The following BRAF variants were observed in gnomAD, a reference collection of about 807,000 sequenced individuals.
The protein encoded by BRAF is B-Raf proto-oncogene, serine/threonine kinase, also known as serine/threonine-protein kinase B-raf.
In BRAF, 16 loss-of-function variants were observed where a neutral mutation model predicts 104.6. The ratio of observed to expected loss-of-function variants is 0.15; its 90% CI spans 0.10 to 0.23. BRAF has a LOEUF of 0.23. Ranked by LOEUF, BRAF falls within the 10% of genes least tolerant of loss-of-function variation. The pLI, the probability that BRAF is intolerant of heterozygous loss-of-function variation, is 1.00. For synonymous variants in BRAF, 310 were observed against 341.6 expected (o/e 0.91, Z 1.02); for missense variants, 541 against 937.3 (o/e 0.58, Z 5.52).
At position 140,850,193 on chromosome 7, in the gene BRAF, ATT is replaced by A; in HGVS notation, c.156_157del (p.Gln52HisfsTer3). The A allele has an allele frequency of 6.2e-7, 1 of 1,610,144 alleles. No individual in the cohort carries two copies. Among genetic ancestry groups the A allele is most frequent in the Non-Finnish European group, 8.5e-7 (1 of 1,177,700 alleles). ...TATATGTTCCTGTGTCAACTTAATC[ATT>A]TGTTTGATATTCCACACCTAAAAAA... On this transcript the variant is annotated frameshift_variant, in exon 2 of 20. Coordinates refer to ENST00000644969, the MANE Select transcript of BRAF (RefSeq NM_001374258.1). LOFTEE classifies it high-confidence loss of function.
Position 140,720,612 on chromosome 7 carries a change from C to G in BRAF, c.*5882G>C, listed in dbSNP as rs957389269. 1 of 1,065,422 alleles carries G rather than the reference C, an allele frequency of 9.4e-7. No homozygotes were observed. The highest frequency in any genetic ancestry group is 1.6e-5 in the African/African-American group (1 of 61,052). The allele number at this position is 1,065,422 out of a possible 1,614,324, so 66.0% of individuals were successfully genotyped here. A position where few individuals can be genotyped will look rare whatever the true frequency, so the allele number is the denominator to read the frequency against. ...TCTTACATTTGATTTCAGGTAATTA[C>G]AGTTTATTTCCCACCCTCACATTAA... On this transcript the variant is annotated 3_prime_UTR_variant, in exon 20 of 20. Transcript: ENST00000644969.
chr7:140,885,368 G>A (rs886578779), intron 1 of BRAF, among the ~76,000 whole-genome samples: 1 of 151,748 alleles, frequency 6.6e-6, no homozygotes, highest in African/African-American at 2.4e-5. Flanking sequence ...CTTAACAAAA[G>A]ATATCTGGAT....
chr7:140,808,676 A>T (rs1803912639), intron 4 of BRAF, among the ~76,000 whole-genome samples: 1 of 152,150 alleles, frequency 6.6e-6, no homozygotes, highest in African/African-American at 2.4e-5. Context: ...AAATAAAATC[A>T]TTTGATCAAA....
chr7:140,918,506 C>T (rs543744420), intron 1 of BRAF, among the ~76,000 whole-genome samples: 2 of 152,224 alleles, frequency 1.3e-5, no homozygotes, highest in South Asian at 2.1e-4. Flanking sequence ...CTGGTAGATA[C>T]GAGGCTGTGG....
At chr7:140,801,661 A>C in intron 5 of BRAF, 101 bp from the exon 6 acceptor site, 1 of 1,288,998 alleles carries the variant, frequency 7.8e-7, no homozygotes. Flanking sequence ...GTTGTAATAT[A>C]TTTATATCAT....
chr7:140,924,774 GGGAGGC>G lies in BRAF; in HGVS notation c.-77_-72del, dbSNP rs727502907. The stretch of plus-strand genomic sequence containing the variant: ...AGGGGGAAGGGAGGCGGAGAGCTGG[GGGAGGC>G]GGAGGCGGAGGCGGAGGCGGAGGAG... On this transcript the variant is annotated 5_prime_UTR_variant, in exon 1 of 20. Coordinates refer to ENST00000644969, the MANE Select transcript of BRAF (RefSeq NM_001374258.1). This position sits in a 1 kb window ranked among gnomAD's most constrained non-coding sequence, Gnocchi z 4.2. The G allele has an allele frequency of 7.1e-4, 417 of 586,824 alleles. 1 individual carries two copies. The highest frequency in any genetic ancestry group is 2.7e-3 in the East Asian group (78 of 28,744). 36.4% of individuals were successfully genotyped at this position (586,824 alleles called of 1,614,324 possible).
Position 140,721,807 on chromosome 7 carries a change from G to A in BRAF, c.*4687C>T, listed in dbSNP as rs575536792. 6.1e-5 allele frequency: 85 copies of A among 1,399,426 alleles called. 1 individual carries two copies. In the South Asian group the frequency reaches 1.3e-3, roughly 21 times the overall value. 86.7% of individuals were successfully genotyped at this position (1,399,426 alleles called of 1,614,324 possible). On this transcript the variant is annotated 3_prime_UTR_variant, in exon 20 of 20. Coordinates refer to ENST00000644969, the MANE Select transcript of BRAF (RefSeq NM_001374258.1). ...TGTTTTCTTTTACATCCAATGGCCA[G>A]GTCATAAAGGATGCCTTGAGACCTC... is the stretch of plus-strand genomic sequence containing the variant.
At chr7:140,769,859 G>A (rs921823155) in intron 14 of BRAF, among the ~76,000 whole-genome samples, 2 of 152,178 alleles carry the variant, frequency 1.3e-5, no homozygotes, top group Non-Finnish European at 2.9e-5. Context: ...AGAGGCATGA[G>A]CCACTGCATC....
intron 19 of BRAF, chr7:140,732,818 C>T (rs1206724809): frequency 2.6e-5 from 4 of 152,160 alleles, no homozygotes; most frequent in Non-Finnish European, 5.9e-5. Context: ...TGACCTTGTG[C>T]CTCAAAATGG....
chr7:140,881,363 T>G (rs918553560), intron 1 of BRAF, among the ~76,000 whole-genome samples: 2 of 152,224 alleles, frequency 1.3e-5, no homozygotes, highest in African/African-American at 4.8e-5. Context: ...TGGTTTGATA[T>G]TCTATCCAGA....
At chr7:140,735,077 C>T (rs1266709926) in intron 18 of BRAF, among the ~76,000 whole-genome samples, 1 of 152,116 alleles carries the variant, frequency 6.6e-6, no homozygotes, top group East Asian at 1.9e-4. Context: ...AGTCTTGAAA[C>T]AGTAAATAAT....
At chr7:140,792,914 G>T (rs1190528194) in intron 8 of BRAF, among the ~76,000 whole-genome samples, 1 of 152,220 alleles carries the variant, frequency 6.6e-6, no homozygotes, top group East Asian at 1.9e-4. Context: ...GAGAACAGAT[G>T]ATGCTAGAAG....
intron 16 of BRAF, 101 bp from the exon 16 acceptor site, chr7:140,749,519 AC>A (rs1173907538): frequency 6.1e-5 from 77 of 1,265,000 alleles, no homozygotes; most frequent in African/African-American, 5.9e-5. Context: ...CCATTAAAAC[AC>A]CTGTCTAATA....
At chr7:140,753,519 ACTT>A in intron 15 of BRAF, 126 bp from the exon 15 acceptor site, 1 of 664,680 alleles carries the variant, frequency 1.5e-6, no homozygotes, top group Non-Finnish European at 2.7e-6. Context: ...AAAACATAGT[ACTT>A]CATCTTTCCT....
rs1231535984 is a variant in BRAF, at chr7:140,783,276, T to C, written c.1298-119A>G. Reference sequence around the variant, plus strand: ...TTAAAATGTAGTGCATGTTTAAATATAGACCTTTTGGAAAGGATGGGCCAA... The same window carrying C: ...TTAAAATGTAGTGCATGTTTAAATACAGACCTTTTGGAAAGGATGGGCCAA... On this transcript the variant is annotated intron_variant, in intron 10 of 19. Transcript: ENST00000644969. The C allele has an allele frequency of 3.2e-5, 42 of 1,296,532 alleles. No homozygotes were observed. In the Middle Eastern group the frequency reaches 8.4e-4, roughly 26 times the overall value. The allele number at this position is 1,296,532 out of a possible 1,614,324, so 80.3% of individuals were successfully genotyped here.
intron 3 of BRAF, among the ~76,000 whole-genome samples, chr7:140,827,557 T>C (rs1806200147): frequency 6.6e-6 from 1 of 152,224 alleles, no homozygotes; most frequent in African/African-American, 2.4e-5. Context: ...GGTAATAGAT[T>C]TCAGCCTTTC....
chr7:140,838,023 T>C (rs919680722), intron 2 of BRAF, among the ~76,000 whole-genome samples: 1 of 152,114 alleles, frequency 6.6e-6, no homozygotes, highest in Non-Finnish European at 1.5e-5. Context: ...TCTACTAATA[T>C]GAGCAAGCCA....
intron 1 of BRAF, among the ~76,000 whole-genome samples, chr7:140,896,981 C>T (rs1224155638): frequency 6.6e-6 from 1 of 151,534 alleles, no homozygotes; most frequent in Non-Finnish European, 1.5e-5. Flanking sequence ...TATATATGTC[C>T]CTACATTAAC....
chr7:140,853,914 C>A (rs1053978886), intron 1 of BRAF, among the ~76,000 whole-genome samples: 1 of 151,956 alleles, frequency 6.6e-6, no homozygotes, highest in African/African-American at 2.4e-5. Flanking sequence ...CTGATTTATC[C>A]CCAGAGCCTA....
Sources: allele counts gnomAD v4.1 joint callset (sites outside exome capture counted in the v4.1 genomes callset), GRCh38; gene constraint gnomAD v4.1.1; non-coding constraint Gnocchi (gnomAD v3.1); transcripts MANE v1.5; gene names NCBI Gene and HGNC (gene_info 2026-07-23, HGNC 2026-07-21).